ANO2: variants seen among roughly 807,000 people sequenced by gnomAD.
ANO2 encodes anoctamin 2.
In ANO2, 101 loss-of-function variants were observed where a neutral mutation model predicts 124.2. The observed-to-expected ratio is 0.81, with a 90% CI of 0.69 to 0.96. ANO2 has a LOEUF of 0.96. Among genes scored for constraint, ANO2 ranks in the 40% least tolerant of loss-of-function variants. The pLI, the probability that ANO2 is intolerant of heterozygous loss-of-function variation, is 0.00. For missense variants in ANO2, 1,293 were observed against 1,274.5 expected (o/e 1.01, Z -0.22); for synonymous variants, 486 against 482.5 (o/e 1.01, Z -0.09).
chr12:5,741,493 A>C lies in ANO2; in HGVS notation c.1352-2094T>G, dbSNP rs1237807101. ...ATGGTAGTAAGTCCCTCCTCTTCCTACCGCTCCTTCCTTGGTTCCCGAGGA... is the reference window on the plus strand; with the variant it reads ...ATGGTAGTAAGTCCCTCCTCTTCCTCCCGCTCCTTCCTTGGTTCCCGAGGA... On this transcript the variant is annotated intron_variant, in intron 12 of 24. Coordinates refer to ENST00000682330, the MANE Select transcript of ANO2 (RefSeq NM_001364791.2). Among the ~76,000 whole-genome samples the C allele has an allele frequency of 3.9e-5, 6 of 151,968 alleles. No individual in the cohort carries two copies. In the South Asian group the frequency reaches 6.3e-4, roughly 16 times the overall value.
At position 5,861,921 on chromosome 12, in the gene ANO2, A is replaced by G. The variant is rs1382519802; in HGVS notation, c.535-7780T>C. On this transcript the variant is annotated intron_variant, in intron 3 of 24. Transcript: ENST00000682330. ...GGAGAGTGAGGTGTAGCCTTGAGACAGAGGGCTTTTGAAATAAGAGCAGGA... is the reference window on the plus strand; with the variant it reads ...GGAGAGTGAGGTGTAGCCTTGAGACGGAGGGCTTTTGAAATAAGAGCAGGA... Among the ~76,000 whole-genome samples, 3 of 152,176 alleles carry G rather than the reference A, an allele frequency of 2.0e-5. No individual in the cohort carries two copies. In the South Asian group the frequency reaches 6.2e-4, roughly 32 times the overall value.
At chr12:5,687,044 G>A (rs147149188) in intron 14 of ANO2, among the ~76,000 whole-genome samples, 3 of 152,368 alleles carry the variant, frequency 2.0e-5, no homozygotes, top group African/African-American at 7.2e-5. Context: ...CTGGATGAAA[G>A]AGAAAGAGGG....
At chr12:5,679,388 T>C (rs547841257) in intron 14 of ANO2, among the ~76,000 whole-genome samples, 1 of 152,180 alleles carries the variant, frequency 6.6e-6, no homozygotes, top group Non-Finnish European at 1.5e-5. Flanking sequence ...AACCTATCCA[T>C]CTGACAAAGG....
At position 5,812,934 on chromosome 12, in the gene ANO2, G is replaced by GAGGA. The variant is rs1301710828; in HGVS notation, c.893-5570_893-5567dup. Among the ~76,000 whole-genome samples the GAGGA allele has an allele frequency of 6.3e-4, 82 of 129,204 alleles. 2 individuals are homozygous for GAGGA. Among genetic ancestry groups the GAGGA allele is most frequent in the Non-Finnish European group, 1.8e-4 (11 of 61,590 alleles). 84.8% of individuals were successfully genotyped at this position (129,204 alleles called of 152,430 possible). A position where few individuals can be genotyped will look rare whatever the true frequency, so the allele number is the denominator to read the frequency against. ...CAAGAAAAAGAAAGAGAGAGAAAGA[G>GAGGA]AGGAAGGAAGGAAGGAAAGAAGGAA... On this transcript the variant is annotated intron_variant, in intron 7 of 24. Coordinates refer to ENST00000682330, the MANE Select transcript of ANO2 (RefSeq NM_001364791.2).
At chr12:5,936,033 A>G (rs184141379) in intron 1 of ANO2, among the ~76,000 whole-genome samples, 17 of 152,324 alleles carry the variant, frequency 1.1e-4, no homozygotes, top group Admixed American at 1.0e-3. Context: ...CAATTTGCAT[A>G]TCTTCTTTGG....
chr12:5,799,614 G>T, intron 9 of ANO2, 43 bp from the exon 10 acceptor site: 1 of 1,567,144 alleles, frequency 6.4e-7, no homozygotes, highest in Middle Eastern at 1.7e-4. Context: ...GTAGAGATGG[G>T]AAACTTCACC....
At chr12:5,721,631 G>A (rs1168604901) in intron 14 of ANO2, among the ~76,000 whole-genome samples, 2 of 151,712 alleles carry the variant, frequency 1.3e-5, no homozygotes, top group Admixed American at 6.6e-5. Flanking sequence ...TCAGGCTCCC[G>A]AGTAGCTGGA....
At chr12:5,682,648 G>T (rs1252562333) in intron 14 of ANO2, among the ~76,000 whole-genome samples, 1 of 152,192 alleles carries the variant, frequency 6.6e-6, no homozygotes, top group African/African-American at 2.4e-5. Flanking sequence ...CATTGGAAGA[G>T]CCCTGTATGT....
chr12:5,797,591 T>C (rs1343674511), intron 10 of ANO2, among the ~76,000 whole-genome samples: 1 of 152,116 alleles, frequency 6.6e-6, no homozygotes, highest in Non-Finnish European at 1.5e-5. Context: ...CACCAGCCCT[T>C]CCATCACTTC....
chr12:5,740,014 A>AG, intron 12 of ANO2: 1 of 455,472 alleles, frequency 2.2e-6, no homozygotes, highest in Admixed American at 2.3e-5. Flanking sequence ...AAATAGTTGT[A>AG]GAATGCCTGC....
chr12:5,820,842 G>T (rs1380943570), intron 7 of ANO2, among the ~76,000 whole-genome samples: 2 of 152,242 alleles, frequency 1.3e-5, no homozygotes, highest in African/African-American at 4.8e-5. Flanking sequence ...TTCTGTACCA[G>T]ATGTGGTTTC....
chr12:5,814,582 G>T (rs1377347408), intron 7 of ANO2, among the ~76,000 whole-genome samples: 7 of 152,096 alleles, frequency 4.6e-5, no homozygotes, highest in African/African-American at 1.7e-4. Context: ...CCTATCCATT[G>T]TATTTACTTC....
At chr12:5,753,481 T>C (rs140597022) in intron 10 of ANO2, among the ~76,000 whole-genome samples, 2 of 152,334 alleles carry the variant, frequency 1.3e-5, no homozygotes, top group African/African-American at 4.8e-5. Flanking sequence ...TTCAGCTTAA[T>C]TTTTTCATTT....
intron 20 of ANO2, among the ~76,000 whole-genome samples, chr12:5,583,366 C>T (rs1042850374): frequency 6.6e-6 from 1 of 152,152 alleles, no homozygotes; most frequent in Non-Finnish European, 1.5e-5. Context: ...TAAAAAAATG[C>T]TTTCTGGCTG....
At chr12:5,811,142 T>C (rs1051783845) in intron 7 of ANO2, among the ~76,000 whole-genome samples, 5 of 152,188 alleles carry the variant, frequency 3.3e-5, no homozygotes, top group Non-Finnish European at 4.4e-5. Flanking sequence ...CTTTTATCCA[T>C]TGGGACAGGT....
intron 15 of ANO2, among the ~76,000 whole-genome samples, chr12:5,639,663 G>A (rs1297199921): frequency 6.6e-6 from 1 of 152,166 alleles, no homozygotes; most frequent in African/African-American, 2.4e-5. Context: ...GACACTGAGT[G>A]AGCAAGGGGA....
At chr12:5,618,570 G>T (rs1461210406) in intron 16 of ANO2, among the ~76,000 whole-genome samples, 3 of 152,146 alleles carry the variant, frequency 2.0e-5, no homozygotes, top group Non-Finnish European at 2.9e-5. Context: ...ACCCAGATCT[G>T]CCTGCCTCAA....
In ANO2 at chr12:5,668,234, T is replaced by C. The variant is rs373832819; in HGVS notation, c.1546-20433A>G. The stretch of plus-strand genomic sequence containing the variant: ...CATCTGTTGTTTTTTGACTTTTTAA[T>C]AGTAGCTATTCTGACTGGTGTAAGA... On this transcript the variant is annotated intron_variant, in intron 14 of 24. Coordinates refer to ENST00000682330, the MANE Select transcript of ANO2 (RefSeq NM_001364791.2). Among the ~76,000 whole-genome samples the C allele has an allele frequency of 5.9e-5, 9 of 152,246 alleles. No homozygotes were observed. The East Asian group carries it at 9.6e-4, about 16-fold the overall frequency.
chr12:5,616,072 C>A (rs1944791337), intron 16 of ANO2, among the ~76,000 whole-genome samples: 1 of 152,144 alleles, frequency 6.6e-6, no homozygotes, highest in Non-Finnish European at 1.5e-5. Flanking sequence ...ACACAGGAAC[C>A]AGTGGACAAT....
Sources: allele counts gnomAD v4.1 joint callset (sites outside exome capture counted in the v4.1 genomes callset), GRCh38; gene constraint gnomAD v4.1.1; transcripts MANE v1.5; gene names NCBI Gene and HGNC (gene_info 2026-07-23, HGNC 2026-07-21).